Variants in DNHD1 observed in about 807,000 individuals in gnomAD.
DNHD1 encodes the protein dynein heavy chain domain 1, also known as dynein heavy chain domain-containing protein 1.
DNHD1 carries 383 observed loss-of-function variants against 458.1 expected under a neutral mutation model. The ratio of observed to expected loss-of-function variants is 0.84; its 90% confidence interval spans 0.77 to 0.91. The LOEUF (loss-of-function observed/expected upper bound fraction) is 0.91, where lower values mean the gene tolerates loss of function less well. DNHD1 is among the 40% of genes least tolerant of loss of function. The pLI is 0.00. For synonymous variants in DNHD1, 2,203 were observed against 2,376.9 expected, an observed-to-expected ratio of 0.93 and a Z score of 2.13; for missense variants, 5,336 against 5,866.1, an observed-to-expected ratio of 0.91 and a Z score of 2.95.
At position 6,570,935 on chromosome 11, in the gene DNHD1, C is replaced by G; in HGVS notation, c.13423C>G (p.Pro4475Ala). Reference sequence around the variant, plus strand: ...CGACGCCCCGTGGTCAGTGCTGGGGCCAAATGCACGGCGGCCTCTGGAGGG... The same window carrying G: ...CGACGCCCCGTGGTCAGTGCTGGGGGCAAATGCACGGCGGCCTCTGGAGGG... ...ESDAPWSVLGPNARRPLEGVL... is the reference protein window; with the variant it reads ...ESDAPWSVLGANARRPLEGVL... The change falls in exon 42 of 43, where the codon CCA becomes GCA. Residue 4475 changes from proline to alanine, a missense_variant. By Grantham distance (27) the Pro-to-Ala change is conservative. Around this residue, in one of 4 missense-constraint regions of DNHD1, gnomAD observed 698 missense variants for 664.9 expected, o/e 1.05. Coordinates refer to ENST00000254579, the MANE Select transcript of DNHD1 (RefSeq NM_144666.3). The G allele has an allele frequency of 6.2e-7, 1 of 1,609,560 alleles. No homozygotes were observed. Among genetic ancestry groups the G allele is most frequent in the Non-Finnish European group, 8.5e-7 (1 of 1,176,230 alleles).
Position 6,547,109 on chromosome 11 carries a change from AG to A in DNHD1, c.6172del (p.Val2058TyrfsTer27), listed in dbSNP as rs1564816495. 1 of 1,551,700 alleles carries A rather than the reference AG, an allele frequency of 6.4e-7. No homozygotes were observed. The highest frequency in any genetic ancestry group is 1.2e-5 in the South Asian group (1 of 84,062). ...GSCWHHGIFP[K>X]VLRAAGQCNN... ...TGCTGGCATCATGGCATCTTTCCCA[AG>A]GTACTTCGTGCAGCCGGTCAGTGTA... On this transcript the variant is annotated frameshift_variant, in exon 21 of 43. Transcript: ENST00000254579. LOFTEE classifies it high-confidence loss of function.
chr11:6,498,692 GC>G lies in DNHD1; in HGVS notation c.482del (p.Pro161HisfsTer17). ...CCCAGAAGCGGAGGCTCCATCACAG[GC>G]CCCCATGCCCAGCTTGCCCTTTTGT... The part of the protein sequence containing the change: ...CPQKRRLHHR[P>X]PCPACPFVQA... On this transcript the variant is annotated frameshift_variant, in exon 3 of 43. Coordinates refer to ENST00000254579, the MANE Select transcript of DNHD1 (RefSeq NM_144666.3). LOFTEE classifies it high-confidence loss of function. 1 of 1,614,180 alleles carries G rather than the reference GC, an allele frequency of 6.2e-7. No homozygotes were observed.
At chr11:6,554,620 T>G (rs979964732) in intron 24 of DNHD1, among the ~76,000 whole-genome samples, 2 of 152,172 alleles carry the variant, frequency 1.3e-5, no homozygotes, top group East Asian at 3.8e-4. Flanking sequence ...ATGTTTTAAA[T>G]GGACAAAAGA....
intron 18 of DNHD1, among the ~76,000 whole-genome samples, chr11:6,540,985 A>C (rs1216715352): frequency 2.0e-5 from 3 of 152,228 alleles, no homozygotes; most frequent in Non-Finnish European, 4.4e-5. Flanking sequence ...CCTTTCTTGC[A>C]TTAATGTATT....
At position 6,570,490 on chromosome 11, in the gene DNHD1, A is replaced by G; in HGVS notation, c.13105+94A>G. The G allele has an allele frequency of 6.0e-6, 9 of 1,488,118 alleles. No homozygotes were observed. The South Asian group carries it at 8.2e-5, about 13-fold the overall frequency. The allele number at this position is 1,488,118 out of a possible 1,614,324, so 92.2% of individuals were successfully genotyped here. ...TGTGGACAGCAGTCTCAATAAAGGT[A>G]TATGAGGGGGTAATATTCATACTGT... On this transcript the variant is annotated intron_variant, in intron 41 of 42. Coordinates refer to ENST00000254579, the MANE Select transcript of DNHD1 (RefSeq NM_144666.3).
intron 32 of DNHD1, 75 bp downstream of exon 32, chr11:6,564,879 C>T (rs926171935): frequency 8.1e-7 from 1 of 1,239,096 alleles, no homozygotes; most frequent in African/African-American, 1.5e-5. Flanking sequence ...TGGTCTTTCC[C>T]TTCATAATGA....
chr11:6,531,547 C>T (rs1182137456), intron 12 of DNHD1, among the ~76,000 whole-genome samples: 1 of 152,194 alleles, frequency 6.6e-6, no homozygotes, highest in African/African-American at 2.4e-5. Flanking sequence ...AACAAACAAG[C>T]AAACAAATGT....
chr11:6,557,376 A>T lies in DNHD1; in HGVS notation c.8081A>T (p.Gln2694Leu), dbSNP rs1853488493. ...PGPQHLGKDH[Q>L]ESEEEEEEER... is the part of the protein sequence containing the mutation. ...CCCCAGCACCTGGGCAAGGACCATC[A>T]GGAGAGTGAGGAGGAGGAGGAGGAG... The change falls in exon 25 of 43, where the codon CAG (glutamine) becomes CTG (leucine). Residue 2694 changes from glutamine to leucine, a missense_variant. Gln to Leu is a moderately radical substitution (Grantham distance 113). Coordinates refer to ENST00000254579, the MANE Select transcript of DNHD1 (RefSeq NM_144666.3). 3 of 1,551,370 alleles carry T rather than the reference A, an allele frequency of 1.9e-6. No individual in the cohort carries two copies. Among genetic ancestry groups the T allele is most frequent in the Non-Finnish European group, 2.6e-6 (3 of 1,147,102 alleles).
In DNHD1 at chr11:6,558,963, T is replaced by G; in HGVS notation, c.9273T>G (p.Leu3091=). 1 of 1,551,690 alleles carries G rather than the reference T, an allele frequency of 6.4e-7. No homozygotes were observed. The highest frequency in any genetic ancestry group is 8.7e-7 in the Non-Finnish European group (1 of 1,146,982). The change falls in exon 27 of 43, where the codon CTT becomes CTG. Residue 3091 remains leucine (L), a synonymous_variant. Transcript: ENST00000254579. ...CCAGTGTGGCCAAAGCCATGGCTCT[T>G]ATCCACCTTTCGGCCACCCACTACC... The part of the protein sequence containing the change: ...SIPSVAKAMA[L]IHLSATHYHE...
intron 4 of DNHD1, among the ~76,000 whole-genome samples, chr11:6,506,935 C>G (rs1468992145): frequency 6.6e-6 from 1 of 152,034 alleles, no homozygotes; most frequent in Non-Finnish European, 1.5e-5. Flanking sequence ...AACTAATTGC[C>G]CAGATTAGGG....
At position 6,571,108 on chromosome 11, in the gene DNHD1, C is replaced by T; in HGVS notation, c.13596C>T (p.Arg4532=). 1 of 1,598,800 alleles carries T rather than the reference C, an allele frequency of 6.3e-7. No homozygotes were observed. The highest frequency in any genetic ancestry group is 1.1e-5 in the South Asian group (1 of 90,448). The change falls in exon 42 of 43, where the codon CGC becomes CGT. Residue 4532 remains arginine (R), a synonymous_variant. Transcript: ENST00000254579. This position sits in a 1 kb window ranked among gnomAD's most constrained non-coding sequence, Gnocchi z 5.0. ...AAVAHALWTG[R]LPLPWRPHAP... ...TGGCCCACGCTCTCTGGACTGGCCG[C>T]CTACCCTTGCCTTGGCGACCTCATG...
At chr11:6,501,974 T>C (rs1852145687) in intron 3 of DNHD1, among the ~76,000 whole-genome samples, 1 of 151,978 alleles carries the variant, frequency 6.6e-6, no homozygotes, top group Non-Finnish European at 1.5e-5. Context: ...AAACTTGTGT[T>C]GATCTAAGTT....
intron 34 of DNHD1, 62 bp downstream of exon 34, chr11:6,566,455 G>A (rs1853701378): frequency 1.3e-6 from 2 of 1,545,232 alleles, no homozygotes; most frequent in South Asian, 1.2e-5. Context: ...CTCAGCACCA[G>A]CCCTAAGAGG....
In DNHD1 at chr11:6,558,694, G is replaced by C; in HGVS notation, c.9211+1G>C. On this transcript the variant is annotated splice_donor_variant, in intron 26 of 42. Transcript: ENST00000254579. LOFTEE classifies it high-confidence loss of function. ...GCTCAGAGTGTGCCCCTTGATGACGGTAAGCCCTTTTTACTTGTCCTTACC... is the reference window on the plus strand; with the variant it reads ...GCTCAGAGTGTGCCCCTTGATGACGCTAAGCCCTTTTTACTTGTCCTTACC... 2 of 1,548,822 alleles carry C rather than the reference G, an allele frequency of 1.3e-6. No homozygotes were observed. The highest frequency in any genetic ancestry group is 1.7e-6 in the Non-Finnish European group (2 of 1,146,932).
At position 6,557,981 on chromosome 11, in the gene DNHD1, G is replaced by A. The variant is rs1443405705; in HGVS notation, c.8686G>A (p.Gly2896Arg). 4.5e-6 allele frequency: 7 copies of A among 1,551,560 alleles called. No individual in the cohort carries two copies. In the African/African-American group the frequency reaches 9.6e-5, roughly 21 times the overall value. The change falls in exon 25 of 43, where the codon GGG (glycine) becomes AGG (arginine). Residue 2896 changes from glycine to arginine, a missense_variant. Physicochemically the swap from Gly to Arg is moderately radical, Grantham distance 125 (BLOSUM62 -2). This residue lies in a region of DNHD1 where 3,932 missense variants were observed against 4,365.6 expected (regional missense o/e 0.90). Transcript: ENST00000254579. The part of the protein sequence containing the change: ...GLLLSGALGT[G>R]RHTAITLASS... ...GCTGCTCTCGGGGGCTCTGGGTACTGGGCGCCACACTGCCATCACTCTGGC... is the reference window on the plus strand; with the variant it reads ...GCTGCTCTCGGGGGCTCTGGGTACTAGGCGCCACACTGCCATCACTCTGGC...
In DNHD1 at chr11:6,502,945, GC is replaced by G. The variant is rs748668015; in HGVS notation, c.920+23del. The G allele has an allele frequency of 1.2e-4, 186 of 1,608,120 alleles. No homozygotes were observed. Among genetic ancestry groups the G allele is most frequent in the Non-Finnish European group, 1.5e-4 (179 of 1,178,052 alleles). On this transcript the variant is annotated intron_variant, in intron 4 of 42. Transcript: ENST00000254579. ...ACTTTAGGTGATAGCCTATGTCCAG[GC>G]CCCTTCTCCTCCCCCTGCCTGGTTT... is the stretch of plus-strand genomic sequence containing the variant.
intron 14 of DNHD1, among the ~76,000 whole-genome samples, chr11:6,537,782 T>C (rs1852989070): frequency 6.6e-6 from 1 of 152,044 alleles, no homozygotes; most frequent in African/African-American, 2.4e-5. Context: ...AATACAAAAA[T>C]TAGCCTGACA....
At chr11:6,556,172 T>C (rs1253282685) in intron 24 of DNHD1, among the ~76,000 whole-genome samples, 1 of 152,020 alleles carries the variant, frequency 6.6e-6, no homozygotes, top group Non-Finnish European at 1.5e-5. Context: ...AACAAGGTCT[T>C]GCTATGTTAC....
In DNHD1 at chr11:6,548,498, C is replaced by A. The variant is rs1853270308; in HGVS notation, c.7098+96C>A. On this transcript the variant is annotated intron_variant, in intron 23 of 42. Transcript: ENST00000254579. This position sits in a 1 kb window ranked among gnomAD's most constrained non-coding sequence, Gnocchi z 4.4. Reference sequence around the variant, plus strand: ...AGATCAGCTGAGGCCCACTTGCTCCCTTTCTTTGATATATTTTCACAATCA... The same window carrying A: ...AGATCAGCTGAGGCCCACTTGCTCCATTTCTTTGATATATTTTCACAATCA... 2.7e-6 allele frequency: 4 copies of A among 1,459,884 alleles called. No individual in the cohort carries two copies. In the South Asian group the frequency reaches 3.9e-5, roughly 14 times the overall value. The allele number at this position is 1,459,884 out of a possible 1,614,324, so 90.4% of individuals were successfully genotyped here.
Sources: allele counts gnomAD v4.1 joint callset (sites outside exome capture counted in the v4.1 genomes callset), GRCh38; gene constraint gnomAD v4.1.1; regional missense constraint gnomAD v4.1.1; non-coding constraint Gnocchi (gnomAD v3.1); transcripts MANE v1.5; gene names NCBI Gene and HGNC (gene_info 2026-07-23, HGNC 2026-07-21).